LYRM1: variants seen among roughly 807,000 people sequenced by gnomAD.
The protein encoded by LYRM1 is LYR motif-containing protein 1.
LYRM1 carries 14 observed loss-of-function variants against 14.9 expected under a neutral mutation model. That is an observed-to-expected ratio of 0.94 (90% CI 0.62 to 1.47). The LOEUF (loss-of-function observed/expected upper bound fraction) is 1.47. Among genes scored for constraint, LYRM1 ranks in the 40% most tolerant of loss-of-function variants. LYRM1 has a pLI of 0.00. For missense variants in LYRM1, 153 were observed against 149.9 expected (o/e 1.02, Z -0.11); for synonymous variants, 43 against 56.2 (o/e 0.77, Z 1.05).
At chr16:20,909,773 G>A (rs2082496772) in intron 1 of LYRM1, among the ~76,000 whole-genome samples, 1 of 152,144 alleles carries the variant, frequency 6.6e-6, no homozygotes, top group African/African-American at 2.4e-5. Context: ...GGCTGATTCT[G>A]TTTCTAGAAT....
At chr16:20,919,410 G>T (rs544593229) in intron 2 of LYRM1, among the ~76,000 whole-genome samples, 103 of 152,294 alleles carry the variant, frequency 6.8e-4, no homozygotes, top group Non-Finnish European at 1.2e-3. Flanking sequence ...ATGTAAATTG[G>T]TGTGAACTCT....
At chr16:20,916,085 T>G (rs67942538) in intron 2 of LYRM1, among the ~76,000 whole-genome samples, 633 of 28,422 alleles carry the variant, frequency 0.022, 8 homozygotes, top group South Asian at 0.21. Flanking sequence ...TGTTGTTGTT[T>G]TTTTTTTCAA....
At position 20,915,583 on chromosome 16, in the gene LYRM1, C is replaced by A. The variant is rs1219610753; in HGVS notation, c.28C>A (p.Leu10Ile). MTTATRQEV[L>I]GLYRSIFRLA... ...GACAACGGCAACACGACAAGAAGTC[C>A]TTGGCCTCTACCGCAGCATTTTCAG... is the stretch of plus-strand genomic sequence containing the variant. Residue 10 changes from leucine to isoleucine, a missense_variant, in exon 2 of 4, where the codon CTT becomes ATT. Coordinates refer to ENST00000567954, the MANE Select transcript of LYRM1 (RefSeq NM_001128302.3). 4 of 1,614,068 alleles carry A rather than the reference C, an allele frequency of 2.5e-6. No homozygotes were observed. Among genetic ancestry groups the A allele is most frequent in the Non-Finnish European group, 3.4e-6 (4 of 1,180,010 alleles).
intron 1 of LYRM1, among the ~76,000 whole-genome samples, chr16:20,908,014 G>A (rs754593220): frequency 7.9e-5 from 12 of 152,328 alleles, no homozygotes; most frequent in Non-Finnish European, 1.8e-4. Flanking sequence ...AATGTTGAGT[G>A]AGTGGATGGA....
chr16:20,917,836 CTTTAT>C (rs940681052), intron 2 of LYRM1, among the ~76,000 whole-genome samples: 10 of 151,634 alleles, frequency 6.6e-5, no homozygotes, highest in Admixed American at 2.0e-4. Flanking sequence ...CTTTTTTCTT[CTTTAT>C]TTTATTTATG....
chr16:20,904,919 C>G (rs1470843269), intron 1 of LYRM1, among the ~76,000 whole-genome samples: 4 of 152,084 alleles, frequency 2.6e-5, no homozygotes, highest in Non-Finnish European at 2.9e-5. Flanking sequence ...CCTGGTCATG[C>G]CTTTGGTGTT....
At chr16:20,913,802 A>T (rs2082722690) in intron 1 of LYRM1, among the ~76,000 whole-genome samples, 1 of 151,982 alleles carries the variant, frequency 6.6e-6, no homozygotes, top group South Asian at 2.1e-4. Context: ...AGTCATCAGA[A>T]AGATTTTTTT....
chr16:20,911,055 A>G (rs1440234024), intron 1 of LYRM1: 1 of 152,198 alleles, frequency 6.6e-6, no homozygotes, highest in African/African-American at 2.4e-5. Flanking sequence ...TTTTATTACA[A>G]TAAGCCACAA....
chr16:20,908,507 T>C (rs917663410), intron 1 of LYRM1, among the ~76,000 whole-genome samples: 7 of 152,244 alleles, frequency 4.6e-5, no homozygotes, highest in Non-Finnish European at 1.0e-4. Context: ...CTTGGACAAG[T>C]TACTTAGTCT....
intron 2 of LYRM1, among the ~76,000 whole-genome samples, chr16:20,918,191 G>A (rs901748086): frequency 1.3e-5 from 2 of 152,182 alleles, no homozygotes; most frequent in East Asian, 1.9e-4. Flanking sequence ...TCCAGCCTGC[G>A]GTATTGGGGA....
intron 3 of LYRM1, among the ~76,000 whole-genome samples, chr16:20,923,038 A>G (rs796741810): frequency 9.2e-5 from 14 of 152,268 alleles, no homozygotes; most frequent in African/African-American, 2.9e-4. Context: ...TGTTTGTTCT[A>G]TTCAGGCCCT....
At chr16:20,910,173 C>A (rs1029877913) in intron 1 of LYRM1, among the ~76,000 whole-genome samples, 10 of 152,116 alleles carry the variant, frequency 6.6e-5, no homozygotes, top group African/African-American at 2.4e-4. Context: ...GCCCCTAAGG[C>A]AAGAAAGAAC....
chr16:20,905,627 A>C lies in LYRM1; in HGVS notation c.-1+4738A>C, dbSNP rs550433271. Among the ~76,000 whole-genome samples, 9 of 152,302 alleles carry C rather than the reference A, an allele frequency of 5.9e-5. 1 individual carries two copies. In the South Asian group the frequency reaches 1.9e-3, roughly 32 times the overall value. ...TATTCCCCAAAAGGATTTTTTCAGG[A>C]AAAAAGTATCAGAACCCCATTCTTC... On this transcript the variant is annotated intron_variant, in intron 1 of 3. Coordinates refer to ENST00000567954, the MANE Select transcript of LYRM1 (RefSeq NM_001128302.3).
At chr16:20,916,082 GT>G (rs3216893) in intron 2 of LYRM1, among the ~76,000 whole-genome samples, 5 of 149,464 alleles carry the variant, frequency 3.3e-5, no homozygotes, top group African/African-American at 7.6e-5. Context: ...TGTTGTTGTT[GT>G]TTTTTTTTTC....
intron 1 of LYRM1, among the ~76,000 whole-genome samples, chr16:20,911,466 T>C (rs967618427): frequency 6.6e-6 from 1 of 152,098 alleles, no homozygotes; most frequent in African/African-American, 2.4e-5. Flanking sequence ...TGGATCATGT[T>C]CCCAAAAGCA....
intron 1 of LYRM1, among the ~76,000 whole-genome samples, chr16:20,912,340 G>A (rs1465401776): frequency 6.6e-6 from 1 of 151,808 alleles, no homozygotes; most frequent in African/African-American, 2.4e-5. Context: ...CGCAATCTCG[G>A]CTCACTGCCA....
intron 1 of LYRM1, among the ~76,000 whole-genome samples, chr16:20,913,127 A>T (rs2082687438): frequency 6.6e-6 from 1 of 151,066 alleles, no homozygotes. Context: ...CTTGCAAAGC[A>T]ATACTATAAA....
chr16:20,905,445 G>T (rs888527875), intron 1 of LYRM1, among the ~76,000 whole-genome samples: 15 of 152,126 alleles, frequency 9.9e-5, no homozygotes, highest in African/African-American at 2.9e-4. Flanking sequence ...TTACAAATGG[G>T]ACAGACATTC....
chr16:20,923,271 A>ATG, intron 3 of LYRM1, among the ~76,000 whole-genome samples: 3 of 152,110 alleles, frequency 2.0e-5, no homozygotes, highest in Non-Finnish European at 4.4e-5. Context: ...AGGCCAAGGC[A>ATG]GGTGGATCAC....
Sources: allele counts gnomAD v4.1 joint callset (sites outside exome capture counted in the v4.1 genomes callset), GRCh38; gene constraint gnomAD v4.1.1; transcripts MANE v1.5; gene names NCBI Gene and HGNC (gene_info 2026-07-23, HGNC 2026-07-21).